Variants in CNTNAP2 observed in about 807,000 individuals in gnomAD.
CNTNAP2 encodes the protein contactin associated protein 2.
Under a neutral mutation model 155.2 loss-of-function variants are expected in CNTNAP2, and 98 were observed. The ratio of observed to expected loss-of-function variants is 0.63; its 90% CI spans 0.54 to 0.75. CNTNAP2 has a LOEUF of 0.75. Ranked by LOEUF, CNTNAP2 falls within the 30% of genes least tolerant of loss-of-function variation. The pLI, the probability that CNTNAP2 is intolerant of heterozygous loss-of-function variation, is 0.00. For missense variants in CNTNAP2, 1,727 were observed against 1,688.1 expected (o/e 1.02, Z -0.40); for synonymous variants, 651 against 631.2 (o/e 1.03, Z -0.47).
At chr7:146,868,635 TCCTATC>T (rs1795249385) in intron 3 of CNTNAP2, among the ~76,000 whole-genome samples, 1 of 152,200 alleles carries the variant, frequency 6.6e-6, no homozygotes, top group African/African-American at 2.4e-5. Context: ...TATTGATTCT[TCCTATC>T]CATGAGCATG....
intron 15 of CNTNAP2, among the ~76,000 whole-genome samples, chr7:147,992,723 C>G (rs551173778): frequency 6.6e-6 from 1 of 152,316 alleles, no homozygotes; most frequent in East Asian, 1.9e-4. Flanking sequence ...AATAGAACAA[C>G]TAGACTTGTA....
intron 10 of CNTNAP2, among the ~76,000 whole-genome samples, chr7:147,472,921 T>C (rs967136275): frequency 5.3e-5 from 8 of 152,142 alleles, no homozygotes; most frequent in African/African-American, 1.9e-4. Context: ...AGTGTCCAAG[T>C]TTCAGGCTCT....
intron 21 of CNTNAP2, among the ~76,000 whole-genome samples, chr7:148,361,153 G>A (rs1006409668): frequency 6.6e-6 from 1 of 152,164 alleles, no homozygotes; most frequent in Admixed American, 6.5e-5. Context: ...TTGTTCTGAG[G>A]CATCCATTTC....
At position 147,782,478 on chromosome 7, in the gene CNTNAP2, G is replaced by T. The variant is rs536537387; in HGVS notation, c.2099-121087G>T. Among the ~76,000 whole-genome samples, 10 of 152,314 alleles carry T rather than the reference G, an allele frequency of 6.6e-5. No individual in the cohort carries two copies. In the East Asian group the frequency reaches 1.7e-3, roughly 26 times the overall value. On this transcript the variant is annotated intron_variant, in intron 13 of 23. Coordinates refer to ENST00000361727, the MANE Select transcript of CNTNAP2 (RefSeq NM_014141.6). Reference sequence around the variant, plus strand: ...AGGCTGGGAAGTCCAAAAGCAAGGTGCCAGCAGATTGGGTGTCTGGTGGGA... The same window carrying T: ...AGGCTGGGAAGTCCAAAAGCAAGGTTCCAGCAGATTGGGTGTCTGGTGGGA...
At chr7:146,823,563 A>C (rs1326401704) in intron 2 of CNTNAP2, among the ~76,000 whole-genome samples, 8 of 147,354 alleles carry the variant, frequency 5.4e-5, no homozygotes, top group Admixed American at 4.0e-4. Flanking sequence ...CAGTATATTT[A>C]CATGGAAATA....
intron 9 of CNTNAP2, among the ~76,000 whole-genome samples, chr7:147,322,673 T>C (rs1349333582): frequency 6.9e-6 from 1 of 144,928 alleles, no homozygotes; most frequent in Admixed American, 7.1e-5. Context: ...CTTGTACCTC[T>C]GGTAGAATTC....
intron 10 of CNTNAP2, among the ~76,000 whole-genome samples, chr7:147,437,053 GAGGGAACTGCTA>G (rs1450207604): frequency 6.6e-6 from 1 of 151,986 alleles, no homozygotes; most frequent in Non-Finnish European, 1.5e-5. Context: ...TAGTCCAGCT[GAGGGAACTGCTA>G]AGGCCATCTT....
In CNTNAP2 at chr7:147,290,559, T is replaced by A. The variant is rs548470878; in HGVS notation, c.1349-9582T>A. ...TTAGCCGAGCGTGGTGGCTTGTGCC[T>A]GTAATCCCAGCTACTCGGGAGGTTG... On this transcript the variant is annotated intron_variant, in intron 8 of 23. Transcript: ENST00000361727. Among the ~76,000 whole-genome samples the A allele has an allele frequency of 1.6e-3, 244 of 152,014 alleles. 1 individual carries two copies. The highest frequency in any genetic ancestry group is 5.7e-3 in the African/African-American group (235 of 41,460).
At chr7:147,791,030 C>T (rs867484545) in intron 13 of CNTNAP2, among the ~76,000 whole-genome samples, 2 of 152,300 alleles carry the variant, frequency 1.3e-5, no homozygotes, top group Non-Finnish European at 1.5e-5. Context: ...TGTAAAGTTA[C>T]TTTTCTATTA....
chr7:147,471,452 C>A (rs1479927313), intron 10 of CNTNAP2, among the ~76,000 whole-genome samples: 1 of 152,114 alleles, frequency 6.6e-6, no homozygotes, highest in African/African-American at 2.4e-5. Context: ...GAAATAAGAA[C>A]TTGATGTTAA....
At chr7:147,910,816 A>T (rs116878048) in intron 14 of CNTNAP2, among the ~76,000 whole-genome samples, 15 of 152,218 alleles carry the variant, frequency 9.9e-5, no homozygotes, top group African/African-American at 3.6e-4. Flanking sequence ...CGCCCTTAAC[A>T]TGTGGGGATT....
chr7:147,880,180 C>T (rs1799494324), intron 13 of CNTNAP2, among the ~76,000 whole-genome samples: 2 of 152,136 alleles, frequency 1.3e-5, no homozygotes, highest in Admixed American at 1.3e-4. Context: ...CTCTAGGGCT[C>T]CATCATCACC....
At chr7:146,558,744 A>G (rs1798234796) in intron 1 of CNTNAP2, among the ~76,000 whole-genome samples, 1 of 152,182 alleles carries the variant, frequency 6.6e-6, no homozygotes, top group Non-Finnish European at 1.5e-5. Context: ...TCTTTAACTA[A>G]CACTATCTTC....
At chr7:147,350,394 G>A (rs1000715046) in intron 9 of CNTNAP2, among the ~76,000 whole-genome samples, 1 of 151,724 alleles carries the variant, frequency 6.6e-6, no homozygotes, top group African/African-American at 2.4e-5. Flanking sequence ...CCCTCTAAGC[G>A]AATCATGATT....
intron 18 of CNTNAP2, among the ~76,000 whole-genome samples, chr7:148,193,139 TC>T: frequency 6.6e-6 from 1 of 152,374 alleles, no homozygotes; most frequent in South Asian, 2.1e-4. Flanking sequence ...CAAATATTTT[TC>T]CTACATGGTT....
intron 1 of CNTNAP2, among the ~76,000 whole-genome samples, chr7:146,399,792 C>G (rs576397833): frequency 4.6e-5 from 7 of 152,094 alleles, no homozygotes; most frequent in Admixed American, 1.3e-4. Flanking sequence ...TAACAGTGTA[C>G]AGGGCTCCCC....
chr7:147,598,170 T>C (rs868840507), intron 12 of CNTNAP2, among the ~76,000 whole-genome samples: 2 of 82,118 alleles, frequency 2.4e-5, no homozygotes, highest in Middle Eastern at 5.3e-3. Flanking sequence ...TTTCTTTCTT[T>C]TTTTTTTTTT....
chr7:147,246,044 C>CAT (rs1012399901), intron 8 of CNTNAP2, among the ~76,000 whole-genome samples: 30 of 147,948 alleles, frequency 2.0e-4, no homozygotes, highest in South Asian at 6.4e-4. Flanking sequence ...ATATAACGTG[C>CAT]ATATATATAT....
chr7:147,250,168 G>A (rs1804164309), intron 8 of CNTNAP2, among the ~76,000 whole-genome samples: 2 of 152,260 alleles, frequency 1.3e-5, no homozygotes, highest in South Asian at 4.1e-4. Context: ...AGCCAGCAGA[G>A]GCTGCGAACA....
Sources: gnomAD v4.1 joint callset for allele counts (sites outside exome capture counted in the v4.1 genomes callset) on GRCh38, gnomAD v4.1.1 for gene constraint, MANE v1.5 for transcripts, NCBI Gene and HGNC (gene_info 2026-07-23, HGNC 2026-07-21) for gene names.